SGIP1: variants seen among roughly 807,000 people sequenced by gnomAD.
SGIP1 encodes the protein SH3-containing GRB2-like protein 3-interacting protein 1.
A neutral mutation model predicts 107.5 loss-of-function variants in SGIP1; 38 were observed. That is an observed-to-expected ratio of 0.35 (90% CI 0.27 to 0.46). The LOEUF (loss-of-function observed/expected upper bound fraction) is 0.46. SGIP1 is among the 20% of genes least tolerant of loss of function. SGIP1 has a pLI of 1.00. For missense variants in SGIP1, 929 were observed against 1,019.5 expected (o/e 0.91, Z 1.21); for synonymous variants, 365 against 366.1 (o/e 1.00, Z 0.03).
intron 1 of SGIP1, among the ~76,000 whole-genome samples, chr1:66,573,579 CA>C (rs958015402): frequency 2.0e-5 from 3 of 152,102 alleles, no homozygotes; most frequent in Admixed American, 6.5e-5. Flanking sequence ...TATGCAGCCA[CA>C]AAAAAGAAAG....
chr1:66,540,128 A>T lies in SGIP1; in HGVS notation c.10+5760A>T, dbSNP rs1048647447. On this transcript the variant is annotated intron_variant, in intron 1 of 24. Coordinates refer to ENST00000371037, the MANE Select transcript of SGIP1 (RefSeq NM_032291.4). ...GTAAGAAAAAAATGCTCAAATATGT[A>T]TTCTCACTGGAGAAATAAAATCAAT... 2.0e-5 allele frequency among the ~76,000 whole-genome samples: 3 copies of T among 152,214 alleles called. No individual in the cohort carries two copies. In the East Asian group the frequency reaches 5.8e-4, roughly 29 times the overall value.
chr1:66,736,126 C>T (rs2094222628), intron 21 of SGIP1, among the ~76,000 whole-genome samples: 1 of 146,980 alleles, frequency 6.8e-6, no homozygotes, highest in African/African-American at 2.5e-5. Flanking sequence ...AACCTAGATA[C>T]ATATAAAACC....
chr1:66,618,165 T>C (rs941687917), intron 1 of SGIP1, among the ~76,000 whole-genome samples: 4 of 152,238 alleles, frequency 2.6e-5, no homozygotes, highest in African/African-American at 9.6e-5. Flanking sequence ...TGAGCTAAAT[T>C]GAGTTTTTAG....
At chr1:66,601,554 A>T (rs1158257526) in intron 1 of SGIP1, among the ~76,000 whole-genome samples, 1 of 151,952 alleles carries the variant, frequency 6.6e-6, no homozygotes. Flanking sequence ...AGAGAGAGAA[A>T]AGAATAGAAT....
chr1:66,630,535 C>T (rs1419975111), intron 2 of SGIP1, among the ~76,000 whole-genome samples: 4 of 151,856 alleles, frequency 2.6e-5, no homozygotes, highest in East Asian at 2.0e-4. Flanking sequence ...GGCCAGGCAC[C>T]GTGGCTCACA....
intron 7 of SGIP1, among the ~76,000 whole-genome samples, chr1:66,656,637 T>C (rs1436911462): frequency 6.6e-6 from 1 of 152,212 alleles, no homozygotes; most frequent in African/African-American, 2.4e-5. Flanking sequence ...ACAGTATTTA[T>C]TACTGATTAT....
chr1:66,741,775 T>A lies in SGIP1; in HGVS notation c.2464+339T>A, dbSNP rs542738724. Among the ~76,000 whole-genome samples, 70 of 152,110 alleles carry A rather than the reference T, an allele frequency of 4.6e-4. 1 individual carries two copies. Among genetic ancestry groups the A allele is most frequent in the Middle Eastern group, 3.4e-3 (1 of 294 alleles). On this transcript the variant is annotated intron_variant, in intron 24 of 24. Coordinates refer to ENST00000371037, the MANE Select transcript of SGIP1 (RefSeq NM_032291.4). ...TTTTGCCTTTTATTTTTATTTATTTTTTTTTTTGGTGAGACGGAGTCTCTC... is the reference window on the plus strand; with the variant it reads ...TTTTGCCTTTTATTTTTATTTATTTATTTTTTTGGTGAGACGGAGTCTCTC...
intron 1 of SGIP1, among the ~76,000 whole-genome samples, chr1:66,601,466 G>C (rs1033571187): frequency 6.6e-6 from 1 of 152,030 alleles, no homozygotes. Context: ...AGTTTTCTCT[G>C]TCCATTATTT....
At chr1:66,601,328 G>A (rs531877690) in intron 1 of SGIP1, among the ~76,000 whole-genome samples, 2 of 152,136 alleles carry the variant, frequency 1.3e-5, no homozygotes, top group Non-Finnish European at 2.9e-5. Flanking sequence ...TCGCGCCACT[G>A]CACTCCAGCC....
At chr1:66,571,363 T>G (rs977681377) in intron 1 of SGIP1, among the ~76,000 whole-genome samples, 2 of 151,908 alleles carry the variant, frequency 1.3e-5, no homozygotes, top group African/African-American at 4.8e-5. Flanking sequence ...GGGTCCCAAT[T>G]TGAGCAAACA....
At chr1:66,701,703 A>AT (rs1277234601) in intron 18 of SGIP1, among the ~76,000 whole-genome samples, 2 of 152,180 alleles carry the variant, frequency 1.3e-5, no homozygotes, top group Non-Finnish European at 2.9e-5. Context: ...AAATTTTGAC[A>AT]TTGACCAGCA....
intron 18 of SGIP1, 110 bp from the exon 19 acceptor site, chr1:66,719,184 T>A: frequency 1.6e-6 from 1 of 630,158 alleles, no homozygotes. Flanking sequence ...CATTTTGTTT[T>A]ACATTAAGGG....
Position 66,548,538 on chromosome 1 carries a change from CT to C in SGIP1, c.10+14177del, listed in dbSNP as rs570878633. 1.5e-3 allele frequency among the ~76,000 whole-genome samples: 232 copies of C among 152,162 alleles called. 3 individuals carry two copies. The highest frequency in any genetic ancestry group is 5.3e-3 in the African/African-American group (219 of 41,526). ...ATTAGAGATCCAAGGGTATCATGCA[CT>C]TTTTTTATGTACTTATTTTTAAATG... On this transcript the variant is annotated intron_variant, in intron 1 of 24. Coordinates refer to ENST00000371037, the MANE Select transcript of SGIP1 (RefSeq NM_032291.4).
At chr1:66,727,160 C>T (rs2093794644) in intron 19 of SGIP1, among the ~76,000 whole-genome samples, 1 of 152,166 alleles carries the variant, frequency 6.6e-6, no homozygotes, top group Admixed American at 6.5e-5. Context: ...ACAGACTGGG[C>T]TGCAAATTAT....
At chr1:66,592,736 G>C (rs1227270614) in intron 1 of SGIP1, among the ~76,000 whole-genome samples, 1 of 151,996 alleles carries the variant, frequency 6.6e-6, no homozygotes, top group African/African-American at 2.4e-5. Flanking sequence ...AAAAAGCTGT[G>C]CTCTGATTTC....
At chr1:66,598,967 G>A (rs1437068655) in intron 1 of SGIP1, among the ~76,000 whole-genome samples, 4 of 152,084 alleles carry the variant, frequency 2.6e-5, no homozygotes, top group Admixed American at 2.6e-4. Context: ...AGTCCAAAAT[G>A]TAGAAAAAAT....
chr1:66,669,724 C>G (rs985020716), intron 9 of SGIP1, among the ~76,000 whole-genome samples: 3 of 152,042 alleles, frequency 2.0e-5, no homozygotes, highest in African/African-American at 7.2e-5. Context: ...TAGGGAAAAA[C>G]AGATCACATT....
intron 7 of SGIP1, among the ~76,000 whole-genome samples, chr1:66,650,815 CAG>C (rs1270915277): frequency 6.6e-6 from 1 of 152,066 alleles, no homozygotes; most frequent in East Asian, 1.9e-4. Context: ...TTTTGTTTTT[CAG>C]AGAGCCAATA....
At chr1:66,657,493 A>G (rs2080020355) in intron 7 of SGIP1, among the ~76,000 whole-genome samples, 1 of 152,178 alleles carries the variant, frequency 6.6e-6, no homozygotes, top group South Asian at 2.1e-4. Flanking sequence ...TTGGTTTCTA[A>G]CCCCTCATGC....
Sources: allele counts gnomAD v4.1 joint callset (sites outside exome capture counted in the v4.1 genomes callset), GRCh38; gene constraint gnomAD v4.1.1; transcripts MANE v1.5; gene names NCBI Gene and HGNC (gene_info 2026-07-23, HGNC 2026-07-21).